The following FAM76B variants were observed in gnomAD, a reference collection of about 807,000 sequenced individuals.
FAM76B encodes family with sequence similarity 76 member B.
In FAM76B, 16 loss-of-function variants were observed where a neutral mutation model predicts 51.8. The observed-to-expected ratio is 0.31, with a 90% CI of 0.21 to 0.47. The LOEUF (loss-of-function observed/expected upper bound fraction) is 0.47, where lower values mean the gene tolerates loss of function less well. FAM76B is among the 20% of genes least tolerant of loss of function. The pLI, the probability that FAM76B is intolerant of heterozygous loss-of-function variation, is 1.00. For synonymous variants in FAM76B, 166 were observed against 129.5 expected, an observed-to-expected ratio of 1.28 and a Z score of -1.91; for missense variants, 342 against 392.6, an observed-to-expected ratio of 0.87 and a Z score of 1.09.
At chr11:95,778,236 GTTAA>G (rs1860096805) in intron 8 of FAM76B, among the ~76,000 whole-genome samples, 2 of 151,376 alleles carry the variant, frequency 1.3e-5, no homozygotes, top group Non-Finnish European at 3.0e-5. Context: ...CTGTAATTCT[GTTAA>G]TATTCCTCTT....
intron 4 of FAM76B, among the ~76,000 whole-genome samples, chr11:95,785,157 T>C (rs1449370419): frequency 6.6e-6 from 1 of 152,182 alleles, no homozygotes; most frequent in Non-Finnish European, 1.5e-5. Flanking sequence ...AATATAATTG[T>C]TCTATTTTGT....
rs1209284110 is a variant in FAM76B at position 95,769,799 on chromosome 11, A to G, written c.*1762T>C. 6.6e-6 allele frequency: 1 copy of G among 151,348 alleles called. No individual in the cohort carries two copies. The highest frequency in any genetic ancestry group is 1.5e-5 in the Non-Finnish European group (1 of 67,658). The allele number at this position is 151,348 out of a possible 1,614,324, so 9.4% of individuals were successfully genotyped here. A position where few individuals can be genotyped will look rare whatever the true frequency, so the allele number is the denominator to read the frequency against. On this transcript the variant is annotated 3_prime_UTR_variant, in exon 10 of 10. Transcript: ENST00000358780. ...GAAAATTATTACATGAAGATCCCATAAAAATAAACTGGTTTAGTTTACAAG... is the reference window on the plus strand; with the variant it reads ...GAAAATTATTACATGAAGATCCCATGAAAATAAACTGGTTTAGTTTACAAG...
rs1441854877 is a variant in FAM76B at position 95,786,583 on chromosome 11, C to CAT, written c.208-311_208-310dup. The stretch of plus-strand genomic sequence containing the variant: ...GTTTTAAAGAACGAAAATAAAGGTA[C>CAT]ATATGTAGAGAAGTCTCATGAATCA... On this transcript the variant is annotated intron_variant, in intron 3 of 9. Coordinates refer to ENST00000358780, the MANE Select transcript of FAM76B (RefSeq NM_144664.5). The CAT allele has an allele frequency of 2.4e-5, 5 of 207,962 alleles. No homozygotes were observed. The East Asian group carries it at 5.8e-4, about 24-fold the overall frequency. The allele number at this position is 207,962 out of a possible 1,614,324, so 12.9% of individuals were successfully genotyped here. A position where few individuals can be genotyped will look rare whatever the true frequency, so the allele number is the denominator to read the frequency against.
rs1859698317 is a variant in FAM76B at position 95,770,006 on chromosome 11, A to G, written c.*1555T>C. The G allele has an allele frequency of 1.3e-5, 2 of 151,652 alleles. No individual in the cohort carries two copies. Among genetic ancestry groups the G allele is most frequent in the African/African-American group, 4.8e-5 (2 of 41,406 alleles). The allele number at this position is 151,652 out of a possible 1,614,324, so 9.4% of individuals were successfully genotyped here. A position where few individuals can be genotyped will look rare whatever the true frequency, so the allele number is the denominator to read the frequency against. ...TAAGAAAGCCAATCTTTGATATGACATTCACAATCAATGCTTGTATAAAAC... is the reference window on the plus strand; with the variant it reads ...TAAGAAAGCCAATCTTTGATATGACGTTCACAATCAATGCTTGTATAAAAC... On this transcript the variant is annotated 3_prime_UTR_variant, in exon 10 of 10. Transcript: ENST00000358780.
chr11:95,782,980 G>C (rs942027307), intron 5 of FAM76B, 85 bp downstream of exon 5: 3 of 1,518,830 alleles, frequency 2.0e-6, no homozygotes, highest in Non-Finnish European at 9.0e-7. Flanking sequence ...CTAGCACATA[G>C]TCAATATTTG....
intron 3 of FAM76B, among the ~76,000 whole-genome samples, chr11:95,787,029 A>G (rs771139607): frequency 7.9e-5 from 12 of 152,202 alleles, no homozygotes; most frequent in Non-Finnish European, 1.8e-4. Flanking sequence ...CTGATGATGC[A>G]AACTTTATGG....
At chr11:95,787,280 C>A (rs1282312513) in intron 3 of FAM76B, among the ~76,000 whole-genome samples, 2 of 152,156 alleles carry the variant, frequency 1.3e-5, no homozygotes, top group Non-Finnish European at 2.9e-5. Context: ...GTCCCCCAGG[C>A]TGGAGTGCAG....
Position 95,789,688 on chromosome 11 carries a change from G to A in FAM76B, c.-210C>T, listed in dbSNP as rs1328198670. ...CCACTTCCGCCCCAGCCCACCCAGT[G>A]ACGCCGTGCCAGCCGCTCCCGCTTA... On this transcript the variant is annotated 5_prime_UTR_variant, in exon 1 of 10. Transcript: ENST00000358780. 3.9e-6 allele frequency: 2 copies of A among 510,116 alleles called. No homozygotes were observed. The highest frequency in any genetic ancestry group is 3.4e-6 in the Non-Finnish European group (1 of 292,636). 31.6% of individuals were successfully genotyped at this position (510,116 alleles called of 1,614,324 possible).
chr11:95,786,341 T>C, intron 3 of FAM76B, 67 bp from the exon 4 acceptor site: 2 of 1,499,654 alleles, frequency 1.3e-6, no homozygotes, highest in Non-Finnish European at 1.8e-6. Context: ...ATATACCCAG[T>C]GTTGTAGACA....
At chr11:95,778,438 G>A (rs1860107553) in intron 8 of FAM76B, among the ~76,000 whole-genome samples, 1 of 151,370 alleles carries the variant, frequency 6.6e-6, no homozygotes, top group Admixed American at 6.6e-5. Flanking sequence ...ACAAATATAT[G>A]ACTGGATTGA....
At chr11:95,776,963 A>G (rs1018326643) in intron 8 of FAM76B, among the ~76,000 whole-genome samples, 2 of 151,080 alleles carry the variant, frequency 1.3e-5, no homozygotes, top group Non-Finnish European at 3.0e-5. Context: ...GTCAAATTCA[A>G]AGTATAACTA....
intron 8 of FAM76B, among the ~76,000 whole-genome samples, chr11:95,777,940 C>T (rs1408905059): frequency 6.6e-6 from 1 of 151,394 alleles, no homozygotes; most frequent in Non-Finnish European, 1.5e-5. Context: ...AAAAGATGAT[C>T]AAACAGTAAT....
intron 9 of FAM76B, among the ~76,000 whole-genome samples, chr11:95,773,572 A>G (rs1306611025): frequency 6.6e-6 from 1 of 151,156 alleles, no homozygotes; most frequent in Non-Finnish European, 1.5e-5. Context: ...AATTACATAG[A>G]TCCTGCTTTA....
chr11:95,774,713 G>A (rs1180452421), intron 9 of FAM76B, among the ~76,000 whole-genome samples: 1 of 81,140 alleles, frequency 1.2e-5, no homozygotes, highest in African/African-American at 3.1e-5. Flanking sequence ...TAATATATAA[G>A]AATCTGATAT....
At chr11:95,776,539 A>G (rs1237629299) in intron 8 of FAM76B, among the ~76,000 whole-genome samples, 1 of 151,416 alleles carries the variant, frequency 6.6e-6, no homozygotes, top group Admixed American at 6.6e-5. Flanking sequence ...TATGTACACA[A>G]TACCACCTAA....
chr11:95,782,234 C>A (rs538780003), intron 5 of FAM76B, among the ~76,000 whole-genome samples: 9 of 152,252 alleles, frequency 5.9e-5, no homozygotes, highest in Admixed American at 2.0e-4. Flanking sequence ...TAACTCCCCC[C>A]ACAGGTCACT....
At chr11:95,788,192 T>C (rs1364075534) in intron 2 of FAM76B, among the ~76,000 whole-genome samples, 2 of 152,232 alleles carry the variant, frequency 1.3e-5, no homozygotes, top group Non-Finnish European at 2.9e-5. Context: ...CTCAGATCCA[T>C]TAAGGCTTTA....
At chr11:95,776,135 A>G in intron 8 of FAM76B, 112 bp from the exon 9 acceptor site, 2 of 531,420 alleles carry the variant, frequency 3.8e-6, no homozygotes, top group Non-Finnish European at 6.1e-6. Context: ...AGAAGATGTT[A>G]ACTGCAGTTT....
chr11:95,786,049 A>G, intron 4 of FAM76B, 70 bp downstream of exon 4: 1 of 1,550,896 alleles, frequency 6.4e-7, no homozygotes, highest in South Asian at 1.2e-5. Flanking sequence ...TAGTGTATTA[A>G]TTATAATTTC....
Sources: allele counts gnomAD v4.1 joint callset (sites outside exome capture counted in the v4.1 genomes callset), GRCh38; gene constraint gnomAD v4.1.1; transcripts MANE v1.5; gene names NCBI Gene and HGNC (gene_info 2026-07-23, HGNC 2026-07-21).